STIM1: variants seen among roughly 807,000 people sequenced by gnomAD.
STIM1 encodes the protein stromal interaction molecule 1.
Under a neutral mutation model 74.7 loss-of-function variants are expected in STIM1, and 25 were observed. That is an observed-to-expected ratio of 0.33 (90% CI 0.24 to 0.47). The LOEUF (loss-of-function observed/expected upper bound fraction) is 0.47. Ranked by LOEUF, STIM1 falls within the 20% of genes least tolerant of loss-of-function variation. The probability of loss-of-function intolerance (pLI) is 1.00; values close to 1 mark genes in which losing one functional copy is unlikely to be tolerated. For synonymous variants in STIM1, 328 were observed against 348.8 expected, an observed-to-expected ratio of 0.94 and a Z score of 0.66; for missense variants, 728 against 920.8, an observed-to-expected ratio of 0.79 and a Z score of 2.71.
intron 1 of STIM1, among the ~76,000 whole-genome samples, chr11:3,858,241 T>G (rs1042719121): frequency 4.6e-5 from 6 of 131,228 alleles, no homozygotes; most frequent in East Asian, 2.3e-4. Flanking sequence ...AGGTTTTTTT[T>G]TTTTTGTTTT....
chr11:4,055,914 A>C (rs1215161836), intron 4 of STIM1, among the ~76,000 whole-genome samples: 2 of 152,176 alleles, frequency 1.3e-5, no homozygotes, highest in Non-Finnish European at 2.9e-5. Flanking sequence ...TCTACTCAAC[A>C]CTGTATACAG....
At chr11:3,894,677 A>C (rs1044651154) in intron 1 of STIM1, among the ~76,000 whole-genome samples, 1 of 152,120 alleles carries the variant, frequency 6.6e-6, no homozygotes, top group Non-Finnish European at 1.5e-5. Flanking sequence ...GATTCCTAGG[A>C]ATCATGAGCT....
intron 2 of STIM1, among the ~76,000 whole-genome samples, chr11:3,970,729 A>C (rs2135749032): frequency 6.6e-6 from 1 of 152,320 alleles, no homozygotes; most frequent in Middle Eastern, 3.4e-3. Context: ...GTATCAAAAA[A>C]AATCACAACA....
chr11:4,080,570 G>A (rs1387739304), intron 7 of STIM1, among the ~76,000 whole-genome samples: 2 of 148,304 alleles, frequency 1.3e-5, no homozygotes, highest in East Asian at 2.1e-4. Context: ...GGACTCAAGC[G>A]ATCCTCCCAC....
intron 3 of STIM1, among the ~76,000 whole-genome samples, chr11:4,046,048 G>A (rs1255452156): frequency 2.1e-5 from 3 of 144,636 alleles, no homozygotes; most frequent in African/African-American, 7.6e-5. Flanking sequence ...GGGATTACAG[G>A]CGTGAGCTAC....
intron 12 of STIM1, among the ~76,000 whole-genome samples, chr11:4,087,884 C>T (rs542411722): frequency 1.2e-4 from 18 of 150,518 alleles, no homozygotes; most frequent in Admixed American, 1.0e-3. Context: ...ACCAAGATAG[C>T]GGACATAGGT....
At chr11:3,857,108 G>T (rs10767656) in intron 1 of STIM1, among the ~76,000 whole-genome samples, 82,937 of 103,774 alleles carry the variant, frequency 0.8, 31,754 homozygotes, top group Middle Eastern at 0.93. Context: ...TTTTTTTTTT[G>T]TTTTTTTTTT....
At chr11:4,060,921 T>G (rs1488841438) in intron 5 of STIM1, among the ~76,000 whole-genome samples, 1 of 152,200 alleles carries the variant, frequency 6.6e-6, no homozygotes, top group Non-Finnish European at 1.5e-5. Context: ...TCTTAAAAGA[T>G]GAGAAGTGGC....
intron 4 of STIM1, chr11:4,058,990 A>G (rs1590681429): frequency 2.6e-6 from 3 of 1,168,040 alleles, no homozygotes; most frequent in East Asian, 1.0e-4. Flanking sequence ...GGAGAAGCAC[A>G]ACAGAAAATT....
chr11:4,051,966 A>G (rs1190170310), intron 3 of STIM1, among the ~76,000 whole-genome samples: 2 of 152,226 alleles, frequency 1.3e-5, no homozygotes, highest in Non-Finnish European at 2.9e-5. Flanking sequence ...TCAAGAACAG[A>G]CAAACAGAGA....
chr11:3,954,297 G>T (rs2093185124), intron 1 of STIM1, among the ~76,000 whole-genome samples: 1 of 152,110 alleles, frequency 6.6e-6, no homozygotes, highest in African/African-American at 2.4e-5. Flanking sequence ...AAAGGATGGT[G>T]TTTATTCATC....
intron 1 of STIM1, among the ~76,000 whole-genome samples, chr11:3,908,973 G>A (rs1015353118): frequency 6.6e-6 from 1 of 152,130 alleles, no homozygotes; most frequent in African/African-American, 2.4e-5. Context: ...AAGTGAGGGG[G>A]GTTTTATGAT....
chr11:4,090,670 A>G (rs3794050), intron 12 of STIM1, among the ~76,000 whole-genome samples: 115,239 of 152,106 alleles, frequency 0.76, 45,857 homozygotes, highest in South Asian at 0.93. Flanking sequence ...GTAAGTGGGG[A>G]AGGAAGGCAT....
At chr11:3,877,428 A>C (rs2091341100) in intron 1 of STIM1, among the ~76,000 whole-genome samples, 1 of 152,152 alleles carries the variant, frequency 6.6e-6, no homozygotes, top group African/African-American at 2.4e-5. Context: ...GTTCCAGAAG[A>C]AGCAGCTTTC....
At chr11:3,996,620 G>T (rs2093665598) in intron 2 of STIM1, among the ~76,000 whole-genome samples, 1 of 152,340 alleles carries the variant, frequency 6.6e-6, no homozygotes, top group Non-Finnish European at 1.5e-5. Context: ...ATTGAGTTGG[G>T]AGAGGCAAGG....
chr11:4,026,926 AC>A (rs2094002429), intron 3 of STIM1, among the ~76,000 whole-genome samples: 1 of 152,288 alleles, frequency 6.6e-6, no homozygotes, highest in Admixed American at 6.5e-5. Context: ...ATTCTTAGGC[AC>A]ATGATTGAAC....
At chr11:4,080,442 A>G (rs916512033) in intron 7 of STIM1, among the ~76,000 whole-genome samples, 20 of 145,410 alleles carry the variant, frequency 1.4e-4, no homozygotes, top group African/African-American at 4.5e-4. Flanking sequence ...CTTATTTTGT[A>G]GTTATTTCTC....
intron 6 of STIM1, 109 bp from the exon 7 acceptor site, chr11:4,074,393 T>C (rs1590691546): frequency 2.3e-6 from 3 of 1,310,694 alleles, no homozygotes; most frequent in Middle Eastern, 2.6e-4. Flanking sequence ...AGGGAGAATA[T>C]ATGCTGAGAG....
chr11:3,863,535 G>T (rs2090726130), intron 1 of STIM1, among the ~76,000 whole-genome samples: 1 of 152,164 alleles, frequency 6.6e-6, no homozygotes, highest in Admixed American at 6.5e-5. Flanking sequence ...TGGGATTACA[G>T]GCATGAGCCA....
Sources: allele counts gnomAD v4.1 joint callset (sites outside exome capture counted in the v4.1 genomes callset), GRCh38; gene constraint gnomAD v4.1.1; transcripts MANE v1.5; gene names NCBI Gene and HGNC (gene_info 2026-07-23, HGNC 2026-07-21).